SORCS3: variants seen among roughly 807,000 people sequenced by gnomAD.
The protein encoded by SORCS3 is VPS10 domain-containing receptor SorCS3.
Under a neutral mutation model 146.3 loss-of-function variants are expected in SORCS3, and 57 were observed. That is an observed-to-expected ratio of 0.39 (90% CI 0.31 to 0.49). The LOEUF (loss-of-function observed/expected upper bound fraction) is 0.49, where lower values mean the gene tolerates loss of function less well. Ranked by LOEUF, SORCS3 falls within the 20% of genes least tolerant of loss-of-function variation. The probability of loss-of-function intolerance (pLI) is 0.92; values close to 1 mark genes in which losing one functional copy is unlikely to be tolerated. For missense variants in SORCS3, 1,341 were observed against 1,575.5 expected, an observed-to-expected ratio of 0.85 and a Z score of 2.52; for synonymous variants, 653 against 618.5, an observed-to-expected ratio of 1.06 and a Z score of -0.83.
At chr10:105,220,683 G>A (rs534714746) in intron 19 of SORCS3, among the ~76,000 whole-genome samples, 1 of 152,158 alleles carries the variant, frequency 6.6e-6, no homozygotes, top group East Asian at 1.9e-4. Context: ...GGAGAAAGAA[G>A]TTTTTCATCT....
Position 104,641,384 on chromosome 10 carries a change from G to C in SORCS3, c.57G>C (p.Arg19=). 6.9e-7 allele frequency: 1 copy of C among 1,439,774 alleles called. No individual in the cohort carries two copies. Among genetic ancestry groups the C allele is most frequent in the Non-Finnish European group, 9.1e-7 (1 of 1,099,898 alleles). 89.2% of individuals were successfully genotyped at this position (1,439,774 alleles called of 1,614,324 possible). Residue 19 remains arginine, a synonymous_variant, in exon 1 of 27, where the codon CGG becomes CGC. Transcript: ENST00000369701. This position sits in a 1 kb window ranked among gnomAD's most constrained non-coding sequence, Gnocchi z 6.4. The part of the protein sequence containing the change: ...PAGRPGAPLV[R]TGLLLLSTWV... ...GCAGGCCGGGGGCGCCGCTTGTCCG[G>C]ACGGGGCTCCTACTCTTGTCGACGT...
At chr10:104,868,393 C>T (rs916587275) in intron 2 of SORCS3, among the ~76,000 whole-genome samples, 1 of 152,192 alleles carries the variant, frequency 6.6e-6, no homozygotes, top group African/African-American at 2.4e-5. Context: ...GACAGCTTCC[C>T]TGACAGAATC....
At chr10:104,885,717 G>GGAA (rs1252841869) in intron 2 of SORCS3, among the ~76,000 whole-genome samples, 1 of 152,084 alleles carries the variant, frequency 6.6e-6, no homozygotes, top group Non-Finnish European at 1.5e-5. Context: ...CAAACTAGCT[G>GGAA]GAACATACAT....
chr10:104,881,857 C>T (rs2018633552), intron 2 of SORCS3, among the ~76,000 whole-genome samples: 1 of 152,182 alleles, frequency 6.6e-6, no homozygotes, highest in Non-Finnish European at 1.5e-5. Context: ...ACTCTCTGGG[C>T]TCAGTTTTTC....
chr10:105,105,562 G>A (rs758267329), intron 7 of SORCS3, 47 bp downstream of exon 7: 1 of 1,335,634 alleles, frequency 7.5e-7, no homozygotes, highest in Non-Finnish European at 1.1e-6. Context: ...CATCGTTGAA[G>A]TTGGCTGCCT....
At chr10:105,244,707 A>C (rs1471743904) in intron 20 of SORCS3, among the ~76,000 whole-genome samples, 2 of 152,194 alleles carry the variant, frequency 1.3e-5, no homozygotes, top group Non-Finnish European at 2.9e-5. Flanking sequence ...AATGGGAAAC[A>C]CACATATAAT....
At chr10:104,956,932 C>T (rs997961703) in intron 3 of SORCS3, among the ~76,000 whole-genome samples, 9 of 152,050 alleles carry the variant, frequency 5.9e-5, no homozygotes, top group Admixed American at 1.3e-4. Flanking sequence ...GGCTGGGATC[C>T]GATGACACAG....
chr10:104,955,209 G>A (rs953394464), intron 3 of SORCS3, among the ~76,000 whole-genome samples: 4 of 151,614 alleles, frequency 2.6e-5, no homozygotes, highest in Admixed American at 6.6e-5. Flanking sequence ...GCAATCACCC[G>A]TCGGCATTTT....
intron 7 of SORCS3, among the ~76,000 whole-genome samples, chr10:105,130,163 C>A (rs561242699): frequency 6.6e-6 from 1 of 151,854 alleles, no homozygotes; most frequent in East Asian, 1.9e-4. Flanking sequence ...GTACTAATAT[C>A]TGTTTTCCAT....
At chr10:105,245,457 G>C in intron 20 of SORCS3, 85 bp from the exon 21 acceptor site, 1 of 1,505,576 alleles carries the variant, frequency 6.6e-7, no homozygotes, top group Non-Finnish European at 9.0e-7. Flanking sequence ...TTCCAAGTTA[G>C]GATGACAGTC....
chr10:104,643,696 G>C (rs1478798091), intron 1 of SORCS3, among the ~76,000 whole-genome samples: 4 of 145,650 alleles, frequency 2.7e-5, no homozygotes, highest in African/African-American at 1.0e-4. Flanking sequence ...CTTCATTTTA[G>C]TTTGATAATT....
chr10:105,085,399 G>A (rs2055653752), intron 5 of SORCS3, among the ~76,000 whole-genome samples: 1 of 152,208 alleles, frequency 6.6e-6, no homozygotes, highest in Non-Finnish European at 1.5e-5. Flanking sequence ...CTGGCCAGCT[G>A]AGCAGCTTCA....
chr10:105,102,728 G>T (rs890477184), intron 6 of SORCS3, among the ~76,000 whole-genome samples: 9 of 151,006 alleles, frequency 6.0e-5, no homozygotes, highest in Admixed American at 1.3e-4. Context: ...TGGAGTGTTG[G>T]CCTCAAGGTG....
intron 3 of SORCS3, among the ~76,000 whole-genome samples, chr10:104,961,576 T>C (rs1378631935): frequency 1.3e-5 from 2 of 152,310 alleles, no homozygotes; most frequent in African/African-American, 2.4e-5. Context: ...TAAAAAATAA[T>C]GTGGCCACCA....
intron 1 of SORCS3, among the ~76,000 whole-genome samples, chr10:104,722,382 A>G (rs529393619): frequency 0.014 from 2,064 of 152,096 alleles, 39 homozygotes; most frequent in African/African-American, 0.041. Context: ...CAGTTTGCCA[A>G]TATTTTATTG....
chr10:104,864,844 C>T (rs964477228), intron 2 of SORCS3, among the ~76,000 whole-genome samples: 3 of 152,180 alleles, frequency 2.0e-5, no homozygotes, highest in African/African-American at 7.2e-5. Flanking sequence ...TGCCTGGGGG[C>T]TTCACACCTG....
At chr10:105,062,140 G>A (rs921063614) in intron 5 of SORCS3, among the ~76,000 whole-genome samples, 1 of 152,142 alleles carries the variant, frequency 6.6e-6, no homozygotes. Flanking sequence ...TACATGAATA[G>A]CAATAACAAT....
At chr10:105,097,966 C>T (rs1049011016) in intron 6 of SORCS3, among the ~76,000 whole-genome samples, 4 of 152,176 alleles carry the variant, frequency 2.6e-5, no homozygotes, top group East Asian at 1.9e-4. Context: ...ATCATCATCC[C>T]GCATTAAGCA....
intron 1 of SORCS3, among the ~76,000 whole-genome samples, chr10:104,719,109 A>G (rs1365222384): frequency 1.3e-5 from 2 of 152,308 alleles, no homozygotes; most frequent in Non-Finnish European, 2.9e-5. Flanking sequence ...TATATTTTTC[A>G]TACTAAGTAT....
Sources: gnomAD v4.1 joint callset for allele counts (sites outside exome capture counted in the v4.1 genomes callset) on GRCh38, gnomAD v4.1.1 for gene constraint, Gnocchi (gnomAD v3.1) non-coding constraint, MANE v1.5 for transcripts, NCBI Gene and HGNC (gene_info 2026-07-23, HGNC 2026-07-21) for gene names.